The following RPS6KA5 variants were observed in gnomAD, a reference collection of about 807,000 sequenced individuals.
The protein encoded by RPS6KA5 is ribosomal protein S6 kinase A5.
Under a neutral mutation model 85.5 loss-of-function variants are expected in RPS6KA5, and 27 were observed. The ratio of observed to expected loss-of-function variants is 0.32; its 90% CI spans 0.23 to 0.44. The LOEUF (loss-of-function observed/expected upper bound fraction) is 0.44, where lower values mean the gene tolerates loss of function less well. RPS6KA5 is among the 20% of genes least tolerant of loss of function. The pLI is 1.00. For missense variants in RPS6KA5, 811 were observed against 980.9 expected (o/e 0.83, Z 2.31); for synonymous variants, 334 against 348.2 (o/e 0.96, Z 0.46).
At chr14:90,949,890 C>T (rs1233394515) in intron 3 of RPS6KA5, among the ~76,000 whole-genome samples, 2 of 152,208 alleles carry the variant, frequency 1.3e-5, no homozygotes, top group Non-Finnish European at 2.9e-5. Flanking sequence ...CTACTTCCTA[C>T]TTTTGGGATG....
Position 90,900,673 on chromosome 14 carries a change from G to C in RPS6KA5, c.1183C>G (p.Gln395Glu), listed in dbSNP as rs1308942225. The change falls in exon 10 of 17, where the codon CAG becomes GAG. Residue 395 changes from glutamine (Q) to glutamate (E), a missense_variant. Physicochemically the swap from Gln to Glu is conservative, Grantham distance 29 (BLOSUM62 2). This residue lies in a region of RPS6KA5 where 650 missense variants were observed against 793.4 expected (regional missense o/e 0.82). Transcript: ENST00000614987. ...KRNAAVIDPL[Q>E]FHMGVERPGV... ...GGACGTTCAACTCCCATGTGAAACT[G>C]AAGAGGGTCTATGACAGCTGCATTA... 1 of 1,613,886 alleles carries C rather than the reference G, an allele frequency of 6.2e-7. No individual in the cohort carries two copies. The highest frequency in any genetic ancestry group is 2.2e-5 in the East Asian group (1 of 44,856).
At chr14:90,981,277 G>C (rs1566822094) in intron 2 of RPS6KA5, among the ~76,000 whole-genome samples, 1 of 151,994 alleles carries the variant, frequency 6.6e-6, no homozygotes, top group Non-Finnish European at 1.5e-5. Flanking sequence ...TCTTCTATAA[G>C]ATAATCTTTT....
In RPS6KA5 at chr14:90,872,177, T is replaced by C. The variant is rs923582174; in HGVS notation, c.2306A>G (p.His769Arg). Reference sequence around the variant, plus strand: ...GGTGGGTGTAGTTTTACCGTGAGAATGAGAGGAAGAAGAATGGGAACTCTC... The same window carrying C: ...GGTGGGTGTAGTTTTACCGTGAGAACGAGAGGAAGAAGAATGGGAACTCTC... ...SSESSHSSSS[H>R]SHGKTTPTKT... The change falls in exon 17 of 17, where the codon CAT becomes CGT. Residue 769 changes from histidine to arginine, a missense_variant. This residue lies in a region of RPS6KA5 where 650 missense variants were observed against 793.4 expected (regional missense o/e 0.82). Coordinates refer to ENST00000614987, the MANE Select transcript of RPS6KA5 (RefSeq NM_004755.4). 6 of 1,613,808 alleles carry C rather than the reference T, an allele frequency of 3.7e-6. No individual in the cohort carries two copies. The highest frequency in any genetic ancestry group is 5.1e-6 in the Non-Finnish European group (6 of 1,179,956).
chr14:91,036,791 C>G (rs966310374), intron 1 of RPS6KA5, among the ~76,000 whole-genome samples: 26 of 152,186 alleles, frequency 1.7e-4, no homozygotes, highest in African/African-American at 5.5e-4. Flanking sequence ...GCTCCTGCCC[C>G]CTCTAGTTCA....
At chr14:91,040,261 T>C (rs1330385997) in intron 1 of RPS6KA5, among the ~76,000 whole-genome samples, 1 of 151,678 alleles carries the variant, frequency 6.6e-6, no homozygotes, top group African/African-American at 2.4e-5. Flanking sequence ...ATACAAAAAT[T>C]AGTGGGTGTG....
intron 1 of RPS6KA5, among the ~76,000 whole-genome samples, chr14:91,037,105 A>G (rs966756017): frequency 2.0e-5 from 3 of 152,192 alleles, no homozygotes. Context: ...TGGGGACAGG[A>G]AAGAACTTAT....
intron 3 of RPS6KA5, among the ~76,000 whole-genome samples, chr14:90,975,606 T>C (rs916015188): frequency 6.6e-6 from 1 of 152,172 alleles, no homozygotes; most frequent in Non-Finnish European, 1.5e-5. Flanking sequence ...TAGTGGCACA[T>C]TGATCTTGGA....
intron 2 of RPS6KA5, among the ~76,000 whole-genome samples, chr14:90,994,135 A>G (rs1595427558): frequency 1.3e-5 from 2 of 152,280 alleles, no homozygotes; most frequent in South Asian, 4.1e-4. Context: ...TCAGCTTCCC[A>G]AAGTGCTGGG....
chr14:91,060,197 C>T (rs1339598494), intron 1 of RPS6KA5, 135 bp downstream of exon 1: 2 of 961,244 alleles, frequency 2.1e-6, no homozygotes, highest in Non-Finnish European at 2.5e-6. Flanking sequence ...GCGCCCCGAC[C>T]GCGACGCCCC....
chr14:91,049,044 C>G (rs1328095511), intron 1 of RPS6KA5, among the ~76,000 whole-genome samples: 1 of 152,136 alleles, frequency 6.6e-6, no homozygotes, highest in Non-Finnish European at 1.5e-5. Flanking sequence ...TGAGGCTTTT[C>G]CCCGCTACAG....
intron 1 of RPS6KA5, among the ~76,000 whole-genome samples, chr14:91,035,078 G>A (rs1232062396): frequency 2.6e-5 from 4 of 152,012 alleles, no homozygotes; most frequent in African/African-American, 9.7e-5. Flanking sequence ...CATGGAAACT[G>A]GAAAGCTATA....
chr14:91,001,212 G>T (rs2040777286), intron 1 of RPS6KA5, 53 bp from the exon 2 acceptor site: 2 of 1,114,056 alleles, frequency 1.8e-6, no homozygotes, highest in Non-Finnish European at 2.7e-6. Context: ...ATAGAAGGAG[G>T]CTCCTGGGGG....
intron 3 of RPS6KA5, among the ~76,000 whole-genome samples, chr14:90,975,099 GTTTTT>G (rs1411857704): frequency 2.0e-5 from 3 of 151,706 alleles, no homozygotes; most frequent in African/African-American, 7.3e-5. Flanking sequence ...GTGAAAATAA[GTTTTT>G]ATTTTCTTAT....
intron 1 of RPS6KA5, among the ~76,000 whole-genome samples, chr14:91,050,788 C>A (rs1466053548): frequency 6.6e-6 from 1 of 152,148 alleles, no homozygotes; most frequent in Non-Finnish European, 1.5e-5. Flanking sequence ...AAGCAAGTAT[C>A]TTATTGGAAC....
intron 3 of RPS6KA5, among the ~76,000 whole-genome samples, chr14:90,962,166 G>A (rs903686263): frequency 3.9e-5 from 6 of 152,068 alleles, no homozygotes; most frequent in Admixed American, 6.6e-5. Flanking sequence ...TGTGTTCCAC[G>A]GGCTTACATT....
chr14:90,986,097 C>T lies in RPS6KA5; in HGVS notation c.176-7573G>A, dbSNP rs180930409. Among the ~76,000 whole-genome samples, 419 of 152,224 alleles carry T rather than the reference C, an allele frequency of 2.8e-3. 1 individual carries two copies. Among genetic ancestry groups the T allele is most frequent in the Non-Finnish European group, 4.6e-3 (310 of 68,008 alleles). ...GTTATTTTTAGATGATGGATTCAAC[C>T]GTGGTTTATGCAAAATAAACTGTTT... On this transcript the variant is annotated intron_variant, in intron 2 of 16. Transcript: ENST00000614987.
intron 1 of RPS6KA5, among the ~76,000 whole-genome samples, chr14:91,007,205 C>A (rs2041059634): frequency 6.6e-6 from 1 of 152,128 alleles, no homozygotes; most frequent in African/African-American, 2.4e-5. Flanking sequence ...GCCTCTAAAT[C>A]CTAACTTAGA....
chr14:91,013,820 A>C (rs2041364576), intron 1 of RPS6KA5, among the ~76,000 whole-genome samples: 1 of 152,240 alleles, frequency 6.6e-6, no homozygotes, highest in East Asian at 1.9e-4. Context: ...GTACAGGTTG[A>C]AACAACAGTC....
chr14:91,059,468 A>C (rs2043523178), intron 1 of RPS6KA5, among the ~76,000 whole-genome samples: 1 of 152,218 alleles, frequency 6.6e-6, no homozygotes, highest in African/African-American at 2.4e-5. Flanking sequence ...AAAAGTATTA[A>C]TATATCTACA....
Sources: allele counts gnomAD v4.1 joint callset (sites outside exome capture counted in the v4.1 genomes callset), GRCh38; gene constraint gnomAD v4.1.1; regional missense constraint gnomAD v4.1.1; transcripts MANE v1.5; gene names NCBI Gene and HGNC (gene_info 2026-07-23, HGNC 2026-07-21).